MLXIP: variants seen among roughly 807,000 people sequenced by gnomAD.
MLXIP encodes the protein MLX interacting protein.
MLXIP carries 30 observed loss-of-function variants against 87.2 expected under a neutral mutation model. The observed-to-expected ratio is 0.34, with a 90% CI of 0.26 to 0.47. The LOEUF is 0.47. MLXIP is among the 20% of genes least tolerant of loss of function. The pLI, the probability that MLXIP is intolerant of heterozygous loss-of-function variation, is 1.00. For synonymous variants in MLXIP, 530 were observed against 514.0 expected (o/e 1.03, Z -0.42); for missense variants, 1,002 against 1,240.1 (o/e 0.81, Z 2.88).
chr12:122,095,326 C>T (rs1322357796), intron 1 of MLXIP, among the ~76,000 whole-genome samples: 1 of 151,778 alleles, frequency 6.6e-6, no homozygotes, highest in Non-Finnish European at 1.5e-5. Flanking sequence ...AGTACACACT[C>T]ACACATGCAC....
At chr12:122,139,519 G>A (rs953526236) in intron 15 of MLXIP, among the ~76,000 whole-genome samples, 3 of 152,312 alleles carry the variant, frequency 2.0e-5, no homozygotes, top group South Asian at 2.1e-4. Context: ...CTGAGTAAAC[G>A]GTCGGCACAT....
At chr12:122,103,459 T>TAATC (rs1327989765) in intron 1 of MLXIP, among the ~76,000 whole-genome samples, 1 of 151,640 alleles carries the variant, frequency 6.6e-6, no homozygotes, top group African/African-American at 2.4e-5. Flanking sequence ...CCTGACCTTG[T>TAATC]AATCCACCTG....
At chr12:122,121,980 T>C (rs1256230154) in intron 1 of MLXIP, among the ~76,000 whole-genome samples, 1 of 152,222 alleles carries the variant, frequency 6.6e-6, no homozygotes, top group African/African-American at 2.4e-5. Context: ...GGCCCTGTGC[T>C]GGCGACCCTA....
intron 1 of MLXIP, among the ~76,000 whole-genome samples, chr12:122,101,508 C>T (rs1389369341): frequency 6.7e-6 from 1 of 150,078 alleles, no homozygotes; most frequent in African/African-American, 2.4e-5. Context: ...CAATCCAAGG[C>T]CTGTAAGATT....
At chr12:122,114,015 C>T (rs1952647676) in intron 1 of MLXIP, among the ~76,000 whole-genome samples, 1 of 110,948 alleles carries the variant, frequency 9.0e-6, no homozygotes, top group Non-Finnish European at 1.8e-5. Context: ...GACAGCATTT[C>T]ACTCTTGTTG....
At chr12:122,139,035 A>C in intron 15 of MLXIP, 97 bp downstream of exon 15, 1 of 1,531,520 alleles carries the variant, frequency 6.5e-7, no homozygotes, top group South Asian at 1.3e-5. Flanking sequence ...GACTCTTTAA[A>C]TGCCTGTCAC....
intron 15 of MLXIP, among the ~76,000 whole-genome samples, chr12:122,139,918 C>T (rs889141249): frequency 1.6e-4 from 25 of 152,218 alleles, no homozygotes; most frequent in African/African-American, 6.0e-4. Context: ...AGGTGATCCC[C>T]CTGCCTTGGC....
At chr12:122,103,085 C>T (rs1952460162) in intron 1 of MLXIP, among the ~76,000 whole-genome samples, 1 of 152,172 alleles carries the variant, frequency 6.6e-6, no homozygotes, top group South Asian at 2.1e-4. Flanking sequence ...CTCTCTGCAG[C>T]CTCGACCTCC....
chr12:122,125,426 T>C (rs924411063), intron 1 of MLXIP, among the ~76,000 whole-genome samples: 4 of 152,240 alleles, frequency 2.6e-5, no homozygotes, highest in African/African-American at 7.2e-5. Context: ...GGTTTACCAG[T>C]TGTGTGTGTG....
In MLXIP at chr12:122,127,242, G is replaced by T. The variant is rs746979317; in HGVS notation, c.414-14G>T. ...AGTAACCACTGAGTCTCCCCGCTTTGCCTTGCCTTTCAGTGGGAAGTTGGT... is the reference window on the plus strand; with the variant it reads ...AGTAACCACTGAGTCTCCCCGCTTTTCCTTGCCTTTCAGTGGGAAGTTGGT... On this transcript the variant is annotated splice_polypyrimidine_tract_variant and intron_variant, in intron 1 of 16. Transcript: ENST00000319080. 1 of 1,603,170 alleles carries T rather than the reference G, an allele frequency of 6.2e-7. No homozygotes were observed. The highest frequency in any genetic ancestry group is 1.7e-5 in the Admixed American group (1 of 59,668).
chr12:122,112,086 G>A (rs1397435699), intron 1 of MLXIP, among the ~76,000 whole-genome samples: 3 of 152,228 alleles, frequency 2.0e-5, no homozygotes, highest in Admixed American at 6.5e-5. Flanking sequence ...AGATAGTAAA[G>A]TATAGCACAG....
In MLXIP at chr12:122,137,658, GT is replaced by G; in HGVS notation, c.2154+69del. The stretch of plus-strand genomic sequence containing the variant: ...GGAGTGCAGGACATCAAGGATCTGT[GT>G]CTTGTCTGGAACGGAGACCTCAGAC... On this transcript the variant is annotated intron_variant, in intron 12 of 16. Coordinates refer to ENST00000319080, the MANE Select transcript of MLXIP (RefSeq NM_014938.6). The surrounding 1 kb of genome is among the most constrained non-coding windows in gnomAD (Gnocchi z 4.1). 1.9e-6 allele frequency: 3 copies of G among 1,550,436 alleles called. No individual in the cohort carries two copies. The South Asian group carries it at 3.5e-5, about 18-fold the overall frequency.
At chr12:122,115,588 C>A (rs868075560) in intron 1 of MLXIP, among the ~76,000 whole-genome samples, 254 of 110,638 alleles carry the variant, frequency 2.3e-3, no homozygotes, top group South Asian at 3.4e-3. Context: ...AACTCCTTCT[C>A]AAAAAAAAAA....
intron 1 of MLXIP, among the ~76,000 whole-genome samples, chr12:122,099,627 A>G (rs1952407498): frequency 6.6e-6 from 1 of 152,272 alleles, no homozygotes; most frequent in Non-Finnish European, 1.5e-5. Flanking sequence ...ATAACCAGCA[A>G]GAGAGAACAG....
At position 122,138,456 on chromosome 12, in the gene MLXIP, G is replaced by A. The variant is rs1565989623; in HGVS notation, c.2289G>A (p.Val763=). 6.2e-7 allele frequency: 1 copy of A among 1,613,950 alleles called. No individual in the cohort carries two copies. The highest frequency in any genetic ancestry group is 2.2e-5 in the East Asian group (1 of 44,880). The part of the protein sequence containing the change: ...TSHAITLQKT[V]EYITKLQQER... ...ACGCCATCACACTGCAGAAGACTGT[G>A]GAGTACATCACCAAGCTGCAGCAGG... Residue 763 remains valine (V), a synonymous_variant, in exon 14 of 17, where the codon GTG becomes GTA. Coordinates refer to ENST00000319080, the MANE Select transcript of MLXIP (RefSeq NM_014938.6).
chr12:122,133,741 G>T lies in MLXIP; in HGVS notation c.1486G>T (p.Ala496Ser). 1 of 1,613,378 alleles carries T rather than the reference G, an allele frequency of 6.2e-7. No homozygotes were observed. Among genetic ancestry groups the T allele is most frequent in the Non-Finnish European group, 8.5e-7 (1 of 1,179,774 alleles). Residue 496 changes from alanine to serine, a missense_variant, in exon 9 of 17, where the codon GCC (alanine) becomes TCC (serine). By Grantham distance (99) the Ala-to-Ser change is moderately conservative (BLOSUM62 1). Coordinates refer to ENST00000319080, the MANE Select transcript of MLXIP (RefSeq NM_014938.6). This position sits in a 1 kb window ranked among gnomAD's most constrained non-coding sequence, Gnocchi z 4.9. ...HTASATLTHD[A>S]PATTFSQSQG... ...GGCCTCTGCCACCCTCACCCACGAT[G>T]CCCCCGCCACCACCTTTAGCCAGAG...
rs1233404015 is a variant in MLXIP, at chr12:122,121,010, G to GTTTTTTTTTTTTTTTTTTT, written c.414-6228_414-6227insTTTTTTTTTTTTTTTTTTT. 1.5e-3 allele frequency among the ~76,000 whole-genome samples: 163 copies of GTTTTTTTTTTTTTTTTTTT among 111,854 alleles called. 15 individuals are homozygous for GTTTTTTTTTTTTTTTTTTT. Among genetic ancestry groups the GTTTTTTTTTTTTTTTTTTT allele is most frequent in the African/African-American group, 4.2e-3 (114 of 27,428 alleles). 73.4% of individuals were successfully genotyped at this position (111,854 alleles called of 152,430 possible). ...AGCCCCAGAGCCCTCTGCATGCTTG[G>GTTTTTTTTTTTTTTTTTTT]TTTTTTTTTTTTTTTTTTGAAACGG... On this transcript the variant is annotated intron_variant, in intron 1 of 16. Transcript: ENST00000319080.
At chr12:122,097,034 G>A (rs1467286953) in intron 1 of MLXIP, among the ~76,000 whole-genome samples, 1 of 152,248 alleles carries the variant, frequency 6.6e-6, no homozygotes, top group Non-Finnish European at 1.5e-5. Context: ...AGATGCCGCT[G>A]TCTGGCTTGG....
In MLXIP at chr12:122,133,429, G is replaced by T; in HGVS notation, c.1174G>T (p.Ala392Ser). Residue 392 changes from alanine to serine, a missense_variant, in exon 9 of 17, where the codon GCT (alanine) becomes TCT (serine). Physicochemically the swap from Ala to Ser is moderately conservative, Grantham distance 99. Coordinates refer to ENST00000319080, the MANE Select transcript of MLXIP (RefSeq NM_014938.6). The surrounding 1 kb of genome is among the most constrained non-coding windows in gnomAD (Gnocchi z 4.9). ...CGCGCCCCCTACCGCCCCATCCCTG[G>T]CTCACATGGATGAGCAGGGCTGTGA... ...LIAPPTAPSL[A>S]HMDEQGCEHT... 1 of 1,612,406 alleles carries T rather than the reference G, an allele frequency of 6.2e-7. No homozygotes were observed. The highest frequency in any genetic ancestry group is 8.5e-7 in the Non-Finnish European group (1 of 1,179,112).
Sources: allele counts gnomAD v4.1 joint callset (sites outside exome capture counted in the v4.1 genomes callset), GRCh38; gene constraint gnomAD v4.1.1; non-coding constraint Gnocchi (gnomAD v3.1); transcripts MANE v1.5; gene names NCBI Gene and HGNC (gene_info 2026-07-23, HGNC 2026-07-21).